The following DYNC1H1 variants were observed in gnomAD, a reference collection of about 807,000 sequenced individuals.
DYNC1H1 encodes the protein cytoplasmic dynein 1 heavy chain 1.
Under a neutral mutation model 527.1 loss-of-function variants are expected in DYNC1H1, and 51 were observed. The observed-to-expected ratio is 0.10, with a 90% CI of 0.08 to 0.12. DYNC1H1 has a LOEUF of 0.12. DYNC1H1 is among the 10% of genes least tolerant of loss of function. The probability of loss-of-function intolerance (pLI) is 1.00; values close to 1 mark genes in which losing one functional copy is unlikely to be tolerated. For synonymous variants in DYNC1H1, 2,189 were observed against 2,278.8 expected (o/e 0.96, Z 1.12); for missense variants, 2,771 against 5,971.8 (o/e 0.46, Z 17.66).
chr14:102,048,587 C>T lies in DYNC1H1; in HGVS notation c.13290C>T (p.Asp4430=). Residue 4430 remains aspartate, a synonymous_variant, in exon 74 of 78, where the codon GAC becomes GAT. Transcript: ENST00000360184. ...GAKLLQDVRQ[D]LADVVQVCEG... The stretch of plus-strand genomic sequence containing the variant: ...AGCTGCTTCAGGACGTTCGCCAGGA[C>T]CTTGCAGATGTCGTCCAGGTGTGCG... 1 of 1,614,200 alleles carries T rather than the reference C, an allele frequency of 6.2e-7. No homozygotes were observed. The highest frequency in any genetic ancestry group is 8.5e-7 in the Non-Finnish European group (1 of 1,180,044).
rs930129374 is a variant in DYNC1H1, at chr14:102,005,339, A to G, written c.5433+103A>G. On this transcript the variant is annotated intron_variant, in intron 26 of 77. Coordinates refer to ENST00000360184, the MANE Select transcript of DYNC1H1 (RefSeq NM_001376.5). The surrounding 1 kb of genome is among the most constrained non-coding windows in gnomAD (Gnocchi z 4.0). ...TTGAAAAAGGTTTCAGGTAGTATCA[A>G]GGAGAACAGTGGATGGTGTATGGAT... 8 of 1,471,896 alleles carry G rather than the reference A, an allele frequency of 5.4e-6. No homozygotes were observed. The Admixed American group carries it at 6.7e-5, about 12-fold the overall frequency. The allele number at this position is 1,471,896 out of a possible 1,614,324, so 91.2% of individuals were successfully genotyped here.
chr14:101,994,584 C>T lies in DYNC1H1; in HGVS notation c.3157-89C>T, dbSNP rs2048036582. Reference sequence around the variant, plus strand: ...CTCTAATAGTGGTGAAAGACATGAACCTTCTTAATGGAATGTGAACATAAG... The same window carrying T: ...CTCTAATAGTGGTGAAAGACATGAATCTTCTTAATGGAATGTGAACATAAG... On this transcript the variant is annotated intron_variant, in intron 12 of 77. Coordinates refer to ENST00000360184, the MANE Select transcript of DYNC1H1 (RefSeq NM_001376.5). 3 of 1,530,710 alleles carry T rather than the reference C, an allele frequency of 2.0e-6. No homozygotes were observed. In the East Asian group the frequency reaches 6.8e-5, roughly 35 times the overall value. 94.8% of individuals were successfully genotyped at this position (1,530,710 alleles called of 1,614,324 possible).
At position 101,966,882 on chromosome 14, in the gene DYNC1H1, T is replaced by C. The variant is rs145145279; in HGVS notation, c.256+1935T>C. Among the ~76,000 whole-genome samples, 699 of 152,370 alleles carry C rather than the reference T, an allele frequency of 4.6e-3. 8 individuals are homozygous for C. Among genetic ancestry groups the C allele is most frequent in the African/African-American group, 0.016 (645 of 41,596 alleles). ...TATCTACTACAAATTCTCTCTGTTG[T>C]CTTATGAGTACCTTTTTTTCTTTCA... On this transcript the variant is annotated intron_variant, in intron 1 of 77. Transcript: ENST00000360184.
Position 102,039,500 on chromosome 14 carries a change from C to A in DYNC1H1, c.11549C>A (p.Thr3850Asn), listed in dbSNP as rs747944264. The change falls in exon 61 of 78, where the codon ACC (threonine) becomes AAC (asparagine). Residue 3850 changes from threonine to asparagine, a missense_variant. This residue lies in a region of DYNC1H1 where 283 missense variants were observed against 737.6 expected (regional missense o/e 0.38). Coordinates refer to ENST00000360184, the MANE Select transcript of DYNC1H1 (RefSeq NM_001376.5). The surrounding 1 kb of genome is among the most constrained non-coding windows in gnomAD (Gnocchi z 7.0). Reference sequence around the variant, plus strand: ...GAGAACCCGAACCTGAAGGGTGTCACCGACCACACACAGCGCCTGTCCATT... The same window carrying A: ...GAGAACCCGAACCTGAAGGGTGTCAACGACCACACACAGCGCCTGTCCATT... ...LYENPNLKGV[T>N]DHTQRLSIIT... The A allele has an allele frequency of 1.2e-6, 2 of 1,614,132 alleles. No individual in the cohort carries two copies. Among genetic ancestry groups the A allele is most frequent in the Non-Finnish European group, 1.7e-6 (2 of 1,180,060 alleles).
At chr14:101,981,607 C>T (rs2141271078) in intron 5 of DYNC1H1, among the ~76,000 whole-genome samples, 1 of 152,182 alleles carries the variant, frequency 6.6e-6, no homozygotes, top group Non-Finnish European at 1.5e-5. Context: ...TTCTCACTTC[C>T]CCCAAAAAAC....
Position 102,034,073 on chromosome 14 carries a change from C to T in DYNC1H1, c.10511C>T (p.Ala3504Val), listed in dbSNP as rs771891310. The T allele has an allele frequency of 6.2e-7, 1 of 1,614,172 alleles. No individual in the cohort carries two copies. The highest frequency in any genetic ancestry group is 1.1e-5 in the South Asian group (1 of 91,082). Residue 3504 changes from alanine to valine, a missense_variant, in exon 55 of 78, where the codon GCT becomes GTT. This residue lies in a region of DYNC1H1 where 283 missense variants were observed against 737.6 expected (regional missense o/e 0.38). Transcript: ENST00000360184. ...ETFKNQMSTIAGDCLLSAAFI... is the reference protein window; with the variant it reads ...ETFKNQMSTIVGDCLLSAAFI... Reference sequence around the variant, plus strand: ...TTCAAAAACCAGATGTCCACCATTGCTGGGGACTGTCTCTTGTCAGCTGCG... The same window carrying T: ...TTCAAAAACCAGATGTCCACCATTGTTGGGGACTGTCTCTTGTCAGCTGCG...
intron 18 of DYNC1H1, 153 bp from the exon 19 acceptor site, chr14:102,000,801 C>T (rs17512257): frequency 3.0e-5 from 21 of 707,876 alleles, no homozygotes; most frequent in African/African-American, 5.2e-5. Flanking sequence ...CTCGAACTCC[C>T]GACCTCAAGT....
At position 102,050,709 on chromosome 14, in the gene DYNC1H1, G is replaced by A; in HGVS notation, c.*146G>A. 1 of 1,349,398 alleles carries A rather than the reference G, an allele frequency of 7.4e-7. No individual in the cohort carries two copies. The highest frequency in any genetic ancestry group is 1.2e-5 in the South Asian group (1 of 81,946). The allele number at this position is 1,349,398 out of a possible 1,614,324, so 83.6% of individuals were successfully genotyped here. A position where few individuals can be genotyped will look rare whatever the true frequency, so the allele number is the denominator to read the frequency against. ...GCTGAATGGAATCTGACGGTTGGGAGTGGTGGAAATTGGAAGGATACCAGG... is the reference window on the plus strand; with the variant it reads ...GCTGAATGGAATCTGACGGTTGGGAATGGTGGAAATTGGAAGGATACCAGG... On this transcript the variant is annotated 3_prime_UTR_variant, in exon 78 of 78. Transcript: ENST00000360184.
rs771222506 is a variant in DYNC1H1, at chr14:102,050,523, G to T, written c.13901G>T (p.Ser4634Ile). 6.2e-7 allele frequency: 1 copy of T among 1,614,236 alleles called. No homozygotes were observed. The highest frequency in any genetic ancestry group is 8.5e-7 in the Non-Finnish European group (1 of 1,180,046). Residue 4634 changes from serine (S) to isoleucine (I), a missense_variant, in exon 78 of 78, where the codon AGC becomes ATC. By Grantham distance (142) the Ser-to-Ile change is moderately radical (BLOSUM62 -2). This residue lies in a region of DYNC1H1 where 106 missense variants were observed against 139.2 expected (regional missense o/e 0.76). Coordinates refer to ENST00000360184, the MANE Select transcript of DYNC1H1 (RefSeq NM_001376.5). Reference protein sequence around the residue: ...FEIATKEDPRSFYERGVAVLC... With the variant: ...FEIATKEDPRIFYERGVAVLC... Reference sequence around the variant, plus strand: ...ATTGCTACAAAGGAGGATCCTCGCAGCTTCTACGAGCGGGGTGTCGCAGTC... The same window carrying T: ...ATTGCTACAAAGGAGGATCCTCGCATCTTCTACGAGCGGGGTGTCGCAGTC...
chr14:101,966,399 G>A (rs2047668214), intron 1 of DYNC1H1, among the ~76,000 whole-genome samples: 1 of 147,646 alleles, frequency 6.8e-6, no homozygotes, highest in Admixed American at 6.7e-5. Context: ...CTAAGTGGAA[G>A]CCACAAAAGT....
At position 102,011,967 on chromosome 14, in the gene DYNC1H1, G is replaced by T; in HGVS notation, c.6711G>T (p.Leu2237=). Residue 2237 remains leucine, a synonymous_variant, in exon 33 of 78, where the codon CTG becomes CTT. Coordinates refer to ENST00000360184, the MANE Select transcript of DYNC1H1 (RefSeq NM_001376.5). This position sits in a 1 kb window ranked among gnomAD's most constrained non-coding sequence, Gnocchi z 5.3. Reference sequence around the variant, plus strand: ...GGAAGAGCATGGCCTGGCGTGTCCTGCTGAAGGCATTGGAGAGACTCGAGG... The same window carrying T: ...GGAAGAGCATGGCCTGGCGTGTCCTTCTGAAGGCATTGGAGAGACTCGAGG... ...GSGKSMAWRV[L]LKALERLEGV... is the part of the protein sequence containing the mutation. 6.2e-7 allele frequency: 1 copy of T among 1,614,100 alleles called. No individual in the cohort carries two copies. Among genetic ancestry groups the T allele is most frequent in the Non-Finnish European group, 8.5e-7 (1 of 1,180,028 alleles).
intron 23 of DYNC1H1, among the ~76,000 whole-genome samples, chr14:102,003,913 A>G (rs999432090): frequency 5.3e-5 from 8 of 150,454 alleles, no homozygotes; most frequent in African/African-American, 1.7e-4. Context: ...GTGACAGAGC[A>G]AGACTCCATC....
At chr14:102,040,548 C>G (rs369161118) in intron 63 of DYNC1H1, 50 bp from the exon 64 acceptor site, 1 of 1,612,780 alleles carries the variant, frequency 6.2e-7, no homozygotes, top group African/African-American at 1.3e-5. Context: ...GTGGGTTCTG[C>G]CCCAGAGGCC....
chr14:102,007,461 T>G lies in DYNC1H1; in HGVS notation c.5817+353T>G, dbSNP rs143489866. Among the ~76,000 whole-genome samples the G allele has an allele frequency of 1.4e-4, 21 of 152,296 alleles. No individual in the cohort carries two copies. The East Asian group carries it at 4.0e-3, about 29-fold the overall frequency. On this transcript the variant is annotated intron_variant, in intron 28 of 77. Transcript: ENST00000360184. ...AAAGTGATAGAATAAAAACAGTAGC[T>G]TTGTCATTGAGATTTTTTTGGCACA...
chr14:102,006,019 G>A lies in DYNC1H1; in HGVS notation c.5565G>A (p.Gln1855=). The A allele has an allele frequency of 6.2e-7, 1 of 1,614,228 alleles. No individual in the cohort carries two copies. Among genetic ancestry groups the A allele is most frequent in the Non-Finnish European group, 8.5e-7 (1 of 1,180,038 alleles). The change falls in exon 27 of 78, where the codon CAG becomes CAA. Residue 1855 remains glutamine, a synonymous_variant. Transcript: ENST00000360184. ...ACCCTAAGCAAACTGATGTGTTACAGCAGTTGTCAATTCAAATGGCAAATG... is the reference window on the plus strand; with the variant it reads ...ACCCTAAGCAAACTGATGTGTTACAACAGTTGTCAATTCAAATGGCAAATG... The part of the protein sequence containing the change: ...YFDPKQTDVL[Q]QLSIQMANAK...
rs1347832786 is a variant in DYNC1H1, at chr14:101,964,790, C to G, written c.99C>G (p.His33Gln). Reference sequence around the variant, plus strand: ...CGGACGTGTCGGTGCTGCAGAAGCACCTGCGCAAGCTGGTGCCGCTGCTGC... The same window carrying G: ...CGGACGTGTCGGTGCTGCAGAAGCAGCTGCGCAAGCTGGTGCCGCTGCTGC... ...NVADVSVLQK[H>Q]LRKLVPLLLE... Residue 33 changes from histidine (H) to glutamine (Q), a missense_variant, in exon 1 of 78, where the codon CAC (histidine) becomes CAG (glutamine). Physicochemically the swap from His to Gln is conservative, Grantham distance 24 (BLOSUM62 0). Transcript: ENST00000360184. This position sits in a 1 kb window ranked among gnomAD's most constrained non-coding sequence, Gnocchi z 5.5. The G allele has an allele frequency of 6.2e-7, 1 of 1,602,726 alleles. No individual in the cohort carries two copies. Among genetic ancestry groups the G allele is most frequent in the Non-Finnish European group, 8.5e-7 (1 of 1,176,796 alleles).
chr14:102,032,154 G>C (rs2048516811), intron 51 of DYNC1H1, 118 bp from the exon 52 acceptor site: 1 of 1,242,920 alleles, frequency 8.0e-7, no homozygotes, highest in African/African-American at 1.5e-5. Flanking sequence ...CTTCTAAGCA[G>C]CTAGCTGTCC....
At position 101,979,648 on chromosome 14, in the gene DYNC1H1, G is replaced by A; in HGVS notation, c.519-71G>A. The A allele has an allele frequency of 1.2e-6, 2 of 1,610,672 alleles. No homozygotes were observed. The highest frequency in any genetic ancestry group is 1.7e-5 in the Admixed American group (1 of 59,990). On this transcript the variant is annotated intron_variant, in intron 3 of 77. Transcript: ENST00000360184. The surrounding 1 kb of genome is among the most constrained non-coding windows in gnomAD (Gnocchi z 4.6). ...ATATGTGTGTCATTACTATTTGACAGACCTGAAATGATGGGATCTCTTTGG... is the reference window on the plus strand; with the variant it reads ...ATATGTGTGTCATTACTATTTGACAAACCTGAAATGATGGGATCTCTTTGG...
intron 10 of DYNC1H1, among the ~76,000 whole-genome samples, chr14:101,991,135 C>T (rs1231633878): frequency 6.6e-6 from 1 of 151,694 alleles, no homozygotes; most frequent in Non-Finnish European, 1.5e-5. Flanking sequence ...ATGTCGCCAT[C>T]GCACTCCAGC....
Sources: gnomAD v4.1 joint callset for allele counts (sites outside exome capture counted in the v4.1 genomes callset) on GRCh38, gnomAD v4.1.1 for gene constraint, gnomAD v4.1.1 regional missense constraint, Gnocchi (gnomAD v3.1) non-coding constraint, MANE v1.5 for transcripts, NCBI Gene and HGNC (gene_info 2026-07-23, HGNC 2026-07-21) for gene names.